The following GPRIN3 variants were observed in gnomAD, a reference collection of about 807,000 sequenced individuals.
GPRIN3 encodes G protein-regulated inducer of neurite outgrowth 3.
GPRIN3 carries 12 observed loss-of-function variants against 13.7 expected under a neutral mutation model. That is an observed-to-expected ratio of 0.87 (90% CI 0.56 to 1.42). The LOEUF is 1.42. GPRIN3 is among the 40% of genes most tolerant of loss of function. GPRIN3 has a pLI of 0.00. For synonymous variants in GPRIN3, 377 were observed against 372.7 expected, an observed-to-expected ratio of 1.01 and a Z score of -0.13; for missense variants, 1,009 against 958.7, an observed-to-expected ratio of 1.05 and a Z score of -0.69.
At chr4:89,268,009 G>A (rs923349350) in intron 1 of GPRIN3, among the ~76,000 whole-genome samples, 2 of 152,176 alleles carry the variant, frequency 1.3e-5, no homozygotes, top group Non-Finnish European at 2.9e-5. Flanking sequence ...ATGTAGTTAC[G>A]CAAAAGTGGC....
At position 89,301,934 on chromosome 4, in the gene GPRIN3, G is replaced by C. The variant is rs542176488; in HGVS notation, c.-124+5681C>G. On this transcript the variant is annotated intron_variant, in intron 1 of 1. Transcript: ENST00000609438. Reference sequence around the variant, plus strand: ...TTTTTTTAAGGGTTCTCTTGCTTCTGTAAGTGTCACAAAGCTGTGAATCCT... The same window carrying C: ...TTTTTTTAAGGGTTCTCTTGCTTCTCTAAGTGTCACAAAGCTGTGAATCCT... 5.3e-5 allele frequency among the ~76,000 whole-genome samples: 8 copies of C among 152,270 alleles called. No homozygotes were observed. The South Asian group carries it at 1.7e-3, about 32-fold the overall frequency.
chr4:89,270,341 C>CA (rs956776919), intron 1 of GPRIN3, among the ~76,000 whole-genome samples: 2 of 149,630 alleles, frequency 1.3e-5, no homozygotes, highest in Non-Finnish European at 3.0e-5. Context: ...AACAAACAAA[C>CA]AAAAAAACAA....
chr4:89,250,305 T>C (rs1723293154), intron 1 of GPRIN3, 72 bp from the exon 2 acceptor site: 2 of 1,132,668 alleles, frequency 1.8e-6, no homozygotes, highest in African/African-American at 1.6e-5. Flanking sequence ...CAAACTGTCG[T>C]TTTTATAAGA....
intron 1 of GPRIN3, among the ~76,000 whole-genome samples, chr4:89,303,962 C>A (rs1427188311): frequency 6.6e-6 from 1 of 152,048 alleles, no homozygotes; most frequent in African/African-American, 2.4e-5. Flanking sequence ...ATATTTATTT[C>A]TTCTTTTCTA....
intron 1 of GPRIN3, among the ~76,000 whole-genome samples, chr4:89,285,878 C>T (rs1724393057): frequency 6.6e-6 from 1 of 152,174 alleles, no homozygotes; most frequent in African/African-American, 2.4e-5. Flanking sequence ...TCTAACTCTG[C>T]TACTCCAACT....
rs1356391027 is a variant in GPRIN3, at chr4:89,272,071, G to A, written c.-123-21838C>T. On this transcript the variant is annotated intron_variant, in intron 1 of 1. Transcript: ENST00000609438. ...GAACCTTCTCGAGACACTGACTGCC[G>A]GAACCTTGACCTTGGACTTTCCAGC... is the stretch of plus-strand genomic sequence containing the variant. Among the ~76,000 whole-genome samples, 10 of 152,012 alleles carry A rather than the reference G, an allele frequency of 6.6e-5. No individual in the cohort carries two copies. In the East Asian group the frequency reaches 1.7e-3, roughly 26 times the overall value.
rs755435518 is a variant in GPRIN3 at position 89,248,187 on chromosome 4, G to A, written c.1924C>T (p.Leu642Phe). 8 of 1,614,050 alleles carry A rather than the reference G, an allele frequency of 5.0e-6. No homozygotes were observed. The highest frequency in any genetic ancestry group is 2.7e-5 in the African/African-American group (2 of 74,924). Reference sequence around the variant, plus strand: ...GTCACATTTAACTTTTGCTCCTTGAGGAACTCGCTGACGCGGCTGGGCCTG... The same window carrying A: ...GTCACATTTAACTTTTGCTCCTTGAAGAACTCGCTGACGCGGCTGGGCCTG... ...PRRPSRVSEF[L>F]KEQKLNVTAA... Residue 642 changes from leucine to phenylalanine, a missense_variant, in exon 2 of 2, where the codon CTC becomes TTC. Physicochemically the swap from Leu to Phe is conservative, Grantham distance 22 (BLOSUM62 0). Transcript: ENST00000609438.
chr4:89,244,237 T>A lies in GPRIN3; in HGVS notation c.*3543A>T, dbSNP rs1410770319. The A allele has an allele frequency of 5.9e-5, 9 of 152,194 alleles. No individual in the cohort carries two copies. The highest frequency in any genetic ancestry group is 5.9e-4 in the Admixed American group (9 of 15,274). The allele number at this position is 152,194 out of a possible 1,614,324, so 9.4% of individuals were successfully genotyped here. A position where few individuals can be genotyped will look rare whatever the true frequency, so the allele number is the denominator to read the frequency against. ...AGACAGCAAGCTCCTATTATGAATT[T>A]GGTTCTGAAATCCAACCTCTAAGGT... On this transcript the variant is annotated 3_prime_UTR_variant, in exon 2 of 2. Transcript: ENST00000609438.
At chr4:89,266,134 C>T (rs1266411348) in intron 1 of GPRIN3, among the ~76,000 whole-genome samples, 2 of 152,100 alleles carry the variant, frequency 1.3e-5, no homozygotes, top group Admixed American at 6.6e-5. Context: ...ATATCTATAC[C>T]CTTTGAGCCA....
intron 1 of GPRIN3, among the ~76,000 whole-genome samples, chr4:89,282,594 ATTTTTTT>A (rs11306317): frequency 7.4e-6 from 1 of 135,592 alleles, no homozygotes; most frequent in African/African-American, 2.7e-5. Flanking sequence ...TTTTTTTGCA[ATTTTTTT>A]TTTTTTTTTT....
chr4:89,297,618 T>C (rs1250844832), intron 1 of GPRIN3, among the ~76,000 whole-genome samples: 5 of 152,176 alleles, frequency 3.3e-5, no homozygotes, highest in African/African-American at 9.6e-5. Flanking sequence ...AATCACTTAC[T>C]AGGCATTTCA....
At chr4:89,271,576 A>AT (rs71594882) in intron 1 of GPRIN3, among the ~76,000 whole-genome samples, 49,754 of 151,892 alleles carry the variant, frequency 0.33, 9,887 homozygotes, top group African/African-American at 0.55. Context: ...AAAAACTTGT[A>AT]TTTTTTATTA....
rs1433539102 is a variant in GPRIN3, at chr4:89,244,784, A to T, written c.*2996T>A. ...ATTGTCTTCCAGACATGGAGTTCTA[A>T]CTCACCTTTTTACTACTGGTTTAAG... On this transcript the variant is annotated 3_prime_UTR_variant, in exon 2 of 2. Transcript: ENST00000609438. The T allele has an allele frequency of 6.6e-6, 1 of 152,190 alleles. No homozygotes were observed. Among genetic ancestry groups the T allele is most frequent in the Non-Finnish European group, 1.5e-5 (1 of 68,008 alleles). The allele number at this position is 152,190 out of a possible 1,614,324, so 9.4% of individuals were successfully genotyped here.
chr4:89,269,192 C>G (rs1281881599), intron 1 of GPRIN3, among the ~76,000 whole-genome samples: 1 of 152,140 alleles, frequency 6.6e-6, no homozygotes, highest in Non-Finnish European at 1.5e-5. Flanking sequence ...TAATGTTTTT[C>G]ATAGATGACC....
At position 89,249,243 on chromosome 4, in the gene GPRIN3, G is replaced by T. The variant is rs187145478; in HGVS notation, c.868C>A (p.Arg290Ser). The T allele has an allele frequency of 2.5e-6, 4 of 1,614,058 alleles. No homozygotes were observed. The highest frequency in any genetic ancestry group is 1.6e-4 in the Middle Eastern group (1 of 6,062). ...GCTTCTTTGAACCTTGACATCTGAC[G>T]CTGTGCTGGCAGCGGCACCTTCTCT... ...GPEKVPLPAQ[R>S]QMSRFKEAST... is the part of the protein sequence containing the mutation. The change falls in exon 2 of 2, where the codon CGT (arginine) becomes AGT (serine). Residue 290 changes from arginine (R) to serine (S), a missense_variant. Arg to Ser is a moderately radical substitution (Grantham distance 110, BLOSUM62 -1). Transcript: ENST00000609438.
Position 89,249,438 on chromosome 4 carries a change from C to T in GPRIN3, c.673G>A (p.Gly225Arg), listed in dbSNP as rs756767970. 5 of 1,614,070 alleles carry T rather than the reference C, an allele frequency of 3.1e-6. No homozygotes were observed. Among genetic ancestry groups the T allele is most frequent in the Non-Finnish European group, 4.2e-6 (5 of 1,180,008 alleles). Residue 225 changes from glycine to arginine, a missense_variant, in exon 2 of 2, where the codon GGA (glycine) becomes AGA (arginine). Physicochemically the swap from Gly to Arg is moderately radical, Grantham distance 125 (BLOSUM62 -2). Transcript: ENST00000609438. ...CTCATTTCAGAGTCACAGATGGCTC[C>T]CTGCCTTTCCCCTTCAGGTCCACCT... ...PVGGPEGERQ[G>R]AICDSEMRSC...
At chr4:89,272,811 C>T (rs902770243) in intron 1 of GPRIN3, among the ~76,000 whole-genome samples, 1 of 152,172 alleles carries the variant, frequency 6.6e-6, no homozygotes, top group East Asian at 1.9e-4. Flanking sequence ...CTGATATTCT[C>T]TATTCAATTC....
rs1003851589 is a variant in GPRIN3, at chr4:89,295,512, G to A, written c.-124+12103C>T. On this transcript the variant is annotated intron_variant, in intron 1 of 1. Coordinates refer to ENST00000609438, the MANE Select transcript of GPRIN3 (RefSeq NM_198281.3). The stretch of plus-strand genomic sequence containing the variant: ...GGCGTAGGGCTAAATGACTACATGC[G>A]TAAATGAATGAAGGCATACATGCTT... Among the ~76,000 whole-genome samples the A allele has an allele frequency of 4.6e-5, 7 of 152,262 alleles. No homozygotes were observed. The South Asian group carries it at 6.2e-4, about 14-fold the overall frequency.
intron 1 of GPRIN3, among the ~76,000 whole-genome samples, chr4:89,284,378 T>C (rs1009951534): frequency 6.6e-6 from 1 of 152,206 alleles, no homozygotes; most frequent in Non-Finnish European, 1.5e-5. Context: ...TAGGATCAGA[T>C]TATTCAGGTT....
Sources: gnomAD v4.1 joint callset for allele counts (sites outside exome capture counted in the v4.1 genomes callset) on GRCh38, gnomAD v4.1.1 for gene constraint, MANE v1.5 for transcripts, NCBI Gene and HGNC (gene_info 2026-07-23, HGNC 2026-07-21) for gene names.